FER: variants seen among roughly 807,000 people sequenced by gnomAD.
FER encodes FER tyrosine kinase, also known as tyrosine-protein kinase Fer.
A neutral mutation model predicts 111.0 loss-of-function variants in FER; 63 were observed. The observed-to-expected ratio is 0.57, with a 90% CI of 0.46 to 0.70. The LOEUF (loss-of-function observed/expected upper bound fraction) is 0.70, where lower values mean the gene tolerates loss of function less well. Ranked by LOEUF, FER falls within the 30% of genes least tolerant of loss-of-function variation. The pLI, the probability that FER is intolerant of heterozygous loss-of-function variation, is 0.00. For synonymous variants in FER, 327 were observed against 313.9 expected (o/e 1.04, Z -0.44); for missense variants, 914 against 954.0 (o/e 0.96, Z 0.55).
intron 16 of FER, among the ~76,000 whole-genome samples, chr5:109,084,712 G>A (rs1363146192): frequency 6.6e-6 from 1 of 151,728 alleles, no homozygotes; most frequent in Non-Finnish European, 1.5e-5. Context: ...ATTTTCTTGT[G>A]TTTTCTTTTA....
intron 2 of FER, among the ~76,000 whole-genome samples, chr5:108,788,610 C>A (rs570375139): frequency 6.6e-6 from 1 of 151,364 alleles, no homozygotes; most frequent in South Asian, 2.1e-4. Flanking sequence ...AATTTCTATC[C>A]TTTGGTTGGT....
intron 16 of FER, among the ~76,000 whole-genome samples, chr5:109,056,905 C>A (rs532571303): frequency 6.6e-6 from 1 of 152,036 alleles, no homozygotes. Context: ...TTTTCAGATT[C>A]TTTTAGAAGT....
chr5:109,051,816 C>A, intron 16 of FER: 1 of 1,597,758 alleles, frequency 6.3e-7, no homozygotes. Flanking sequence ...CCAAGGACAC[C>A]ACCAGCATGA....
intron 1 of FER, among the ~76,000 whole-genome samples, chr5:108,762,087 G>C (rs1188533691): frequency 1.3e-5 from 2 of 151,582 alleles, no homozygotes; most frequent in African/African-American, 4.8e-5. Flanking sequence ...ATTTTTTTTT[G>C]TATTTTTAAT....
chr5:109,125,058 A>AT (rs1256001908), intron 17 of FER, among the ~76,000 whole-genome samples: 3 of 151,564 alleles, frequency 2.0e-5, no homozygotes, highest in Non-Finnish European at 2.9e-5. Context: ...AAAAAAAAAA[A>AT]AAAAAAGAAG....
chr5:109,181,163 A>T (rs1001017847), intron 18 of FER, among the ~76,000 whole-genome samples: 1 of 152,220 alleles, frequency 6.6e-6, no homozygotes, highest in Non-Finnish European at 1.5e-5. Context: ...TACCAAAAAA[A>T]AATGACTTTG....
chr5:109,179,249 A>G (rs2126845871), intron 17 of FER, among the ~76,000 whole-genome samples: 1 of 152,346 alleles, frequency 6.6e-6, no homozygotes, highest in South Asian at 2.1e-4. Flanking sequence ...CCCTTTGACT[A>G]GAAGTGGTGA....
chr5:108,866,226 A>G (rs997150790), intron 5 of FER, among the ~76,000 whole-genome samples: 4 of 152,226 alleles, frequency 2.6e-5, no homozygotes, highest in Non-Finnish European at 5.9e-5. Flanking sequence ...AAAATATGGC[A>G]CATATACACC....
rs182579962 is a variant in FER at position 109,033,170 on chromosome 5, A to G, written c.1657-4252A>G. ...CATTAACCTGTGGACTGATAAAGCT[A>G]CTATTCCTATTTCTTGGAAGAGACT... On this transcript the variant is annotated intron_variant, in intron 13 of 19. Coordinates refer to ENST00000281092, the MANE Select transcript of FER (RefSeq NM_005246.4). 1.1e-3 allele frequency among the ~76,000 whole-genome samples: 169 copies of G among 152,324 alleles called. 1 individual carries two copies. Among genetic ancestry groups the G allele is most frequent in the African/African-American group, 4.0e-3 (167 of 41,574 alleles).
At chr5:109,064,320 G>GT (rs5870342) in intron 16 of FER, among the ~76,000 whole-genome samples, 1,821 of 151,846 alleles carry the variant, frequency 0.012, 18 homozygotes, top group Non-Finnish European at 0.02. Context: ...GTAGGCCACT[G>GT]TTTTTTTTAG....
chr5:108,939,308 G>T (rs1387966853), intron 10 of FER, among the ~76,000 whole-genome samples: 1 of 151,926 alleles, frequency 6.6e-6, no homozygotes, highest in Non-Finnish European at 1.5e-5. Context: ...ATATTGTTTT[G>T]TTAGTGATCA....
chr5:108,828,320 G>GAAACTCAAGAATTAT (rs902666384), intron 3 of FER, among the ~76,000 whole-genome samples: 3 of 152,140 alleles, frequency 2.0e-5, no homozygotes, highest in African/African-American at 4.8e-5. Flanking sequence ...GTTAACTTTA[G>GAAACTCAAGAATTAT]AAACTCAAGA....
intron 5 of FER, among the ~76,000 whole-genome samples, chr5:108,863,039 C>G (rs1019986445): frequency 1.3e-5 from 2 of 152,110 alleles, no homozygotes; most frequent in African/African-American, 2.4e-5. Context: ...CTCCTCCTAA[C>G]TTGTGTGGGT....
In FER at chr5:109,134,895, G is replaced by A. The variant is rs369162364; in HGVS notation, c.2048+34376G>A. ...AGGCAAAGAGTCTTTGTCCAAATGAGTAGTAACCAACAGTCTTTAAACAGC... is the reference window on the plus strand; with the variant it reads ...AGGCAAAGAGTCTTTGTCCAAATGAATAGTAACCAACAGTCTTTAAACAGC... On this transcript the variant is annotated intron_variant, in intron 17 of 19. Coordinates refer to ENST00000281092, the MANE Select transcript of FER (RefSeq NM_005246.4). Among the ~76,000 whole-genome samples, 5 of 152,216 alleles carry A rather than the reference G, an allele frequency of 3.3e-5. No homozygotes were observed. In the South Asian group the frequency reaches 6.2e-4, roughly 19 times the overall value.
At chr5:109,125,932 C>T (rs11958223) in intron 17 of FER, among the ~76,000 whole-genome samples, 1,599 of 152,178 alleles carry the variant, frequency 0.011, 24 homozygotes, top group African/African-American at 0.036. Flanking sequence ...AAGAATGAAA[C>T]GGTGAAGGCT....
chr5:108,976,143 A>T (rs1292351822), intron 13 of FER, among the ~76,000 whole-genome samples: 1 of 152,134 alleles, frequency 6.6e-6, no homozygotes, highest in Non-Finnish European at 1.5e-5. Flanking sequence ...TAATTCAGGG[A>T]TGGCAGAAGA....
intron 17 of FER, among the ~76,000 whole-genome samples, chr5:109,117,997 T>C (rs1025709245): frequency 6.6e-6 from 1 of 152,094 alleles, no homozygotes; most frequent in African/African-American, 2.4e-5. Flanking sequence ...GAATGCCCTT[T>C]ATTTCCTTCT....
intron 16 of FER, among the ~76,000 whole-genome samples, chr5:109,078,855 A>G (rs1345990087): frequency 2.0e-5 from 3 of 152,190 alleles, no homozygotes; most frequent in Non-Finnish European, 4.4e-5. Context: ...TAATAAGTCC[A>G]TAAGAGAGGA....
In FER at chr5:109,037,539, T is replaced by C. The variant is rs1770571373; in HGVS notation, c.1713+61T>C. ...CTATATTGATTGTGAAGACTGCAGA[T>C]TTTTTCATTTTCCTCAAAGCTTTTC... is the stretch of plus-strand genomic sequence containing the variant. On this transcript the variant is annotated intron_variant, in intron 14 of 19. Transcript: ENST00000281092. The C allele has an allele frequency of 1.6e-5, 22 of 1,402,794 alleles. 1 individual carries two copies. In the South Asian group the frequency reaches 2.4e-4, roughly 15 times the overall value. 86.9% of individuals were successfully genotyped at this position (1,402,794 alleles called of 1,614,324 possible). A position where few individuals can be genotyped will look rare whatever the true frequency, so the allele number is the denominator to read the frequency against.
Sources: allele counts gnomAD v4.1 joint callset (sites outside exome capture counted in the v4.1 genomes callset), GRCh38; gene constraint gnomAD v4.1.1; transcripts MANE v1.5; gene names NCBI Gene and HGNC (gene_info 2026-07-23, HGNC 2026-07-21).